The following FBXW4 variants were observed in gnomAD, a reference collection of about 807,000 sequenced individuals.
The protein encoded by FBXW4 is F-box/WD repeat-containing protein 4.
FBXW4 carries 40 observed loss-of-function variants against 61.8 expected under a neutral mutation model. The ratio of observed to expected loss-of-function variants is 0.65; its 90% CI spans 0.50 to 0.84. The LOEUF (loss-of-function observed/expected upper bound fraction) is 0.84. Among genes scored for constraint, FBXW4 ranks in the 40% least tolerant of loss-of-function variants. The pLI is 0.00. For synonymous variants in FBXW4, 311 were observed against 313.8 expected (o/e 0.99, Z 0.10); for missense variants, 672 against 753.8 (o/e 0.89, Z 1.27).
At chr10:101,661,961 C>T (rs925150915) in intron 5 of FBXW4, among the ~76,000 whole-genome samples, 1 of 152,150 alleles carries the variant, frequency 6.6e-6, no homozygotes, top group Non-Finnish European at 1.5e-5. Context: ...CTGTCCACAG[C>T]CAGCCAGAAA....
chr10:101,639,241 G>A (rs2064030271), intron 5 of FBXW4, among the ~76,000 whole-genome samples: 1 of 152,156 alleles, frequency 6.6e-6, no homozygotes, highest in South Asian at 2.1e-4. Flanking sequence ...ACAACCTCAG[G>A]TGTCTGCAAC....
At chr10:101,695,179 A>C (rs1161932471), upstream of FBXW4, 4 of 985,124 alleles carry the variant, frequency 4.1e-6, no homozygotes, top group East Asian at 4.5e-4. This position sits in a 1 kb window ranked among gnomAD's most constrained non-coding sequence, Gnocchi z 4.2. Flanking sequence ...AGGAGGCGAC[A>C]CCATGTCGGA....
intron 5 of FBXW4, among the ~76,000 whole-genome samples, chr10:101,656,698 G>A (rs113341038): frequency 7.2e-5 from 11 of 152,268 alleles, no homozygotes; most frequent in Admixed American, 2.6e-4. Flanking sequence ...GGGAAGGAGC[G>A]GAGGAAGAGG....
At chr10:101,665,186 T>C (rs987242159) in intron 5 of FBXW4, among the ~76,000 whole-genome samples, 67 of 152,204 alleles carry the variant, frequency 4.4e-4, no homozygotes, top group Admixed American at 3.9e-3. Flanking sequence ...GTATATTCTT[T>C]GGGTAAGAGA....
In FBXW4 at chr10:101,694,626, G is replaced by A; in HGVS notation, c.480C>T (p.Ala160=). 7.0e-7 allele frequency: 1 copy of A among 1,428,516 alleles called. No individual in the cohort carries two copies. The highest frequency in any genetic ancestry group is 9.1e-7 in the Non-Finnish European group (1 of 1,100,966). 88.5% of individuals were successfully genotyped at this position (1,428,516 alleles called of 1,614,324 possible). A position where few individuals can be genotyped will look rare whatever the true frequency, so the allele number is the denominator to read the frequency against. Residue 160 remains alanine, a synonymous_variant, in exon 1 of 9, where the codon GCC becomes GCT. Transcript: ENST00000331272. This position sits in a 1 kb window ranked among gnomAD's most constrained non-coding sequence, Gnocchi z 6.0. The stretch of plus-strand genomic sequence containing the variant: ...CCTCCTCCTCCTCCTCCTCCTCCCC[G>A]GCCGCCGCCGCCATGGCCACCCCTG... ...AGTGVAMAAA[A]GEEEEEEEAA...
At chr10:101,631,150 C>T (rs553271691) in intron 5 of FBXW4, among the ~76,000 whole-genome samples, 1 of 152,268 alleles carries the variant, frequency 6.6e-6, no homozygotes, top group African/African-American at 2.4e-5. Context: ...AAAGAAGTTT[C>T]ATTTCACACA....
intron 4 of FBXW4, among the ~76,000 whole-genome samples, chr10:101,669,079 T>C (rs1019999260): frequency 2.6e-5 from 4 of 152,112 alleles, no homozygotes; most frequent in Non-Finnish European, 5.9e-5. Flanking sequence ...TGATAACTCT[T>C]CCCTATAAAA....
chr10:101,623,102 T>C, intron 6 of FBXW4: 1 of 152,150 alleles, frequency 6.6e-6, no homozygotes, highest in South Asian at 2.1e-4. Flanking sequence ...TAAAACATGA[T>C]GAAATATAAC....
chr10:101,672,831 G>A, intron 4 of FBXW4, 84 bp downstream of exon 4: 2 of 1,518,854 alleles, frequency 1.3e-6, no homozygotes, highest in Non-Finnish European at 8.9e-7. Flanking sequence ...GATACTCTCA[G>A]CCAATCCTGA....
At position 101,611,498 on chromosome 10, in the gene FBXW4, A is replaced by T. The variant is rs896584714; in HGVS notation, c.1585-88T>A. 1.1e-5 allele frequency: 17 copies of T among 1,570,598 alleles called. No individual in the cohort carries two copies. Among genetic ancestry groups the T allele is most frequent in the East Asian group, 2.3e-5 (1 of 44,354 alleles). On this transcript the variant is annotated intron_variant, in intron 8 of 8. Transcript: ENST00000331272. The surrounding 1 kb of genome is among the most constrained non-coding windows in gnomAD (Gnocchi z 4.9). ...CCAGGATCCCCAGGCCCAGGGGAAGAGGGACGTGTGCCATTGTAGGCTTCT... is the reference window on the plus strand; with the variant it reads ...CCAGGATCCCCAGGCCCAGGGGAAGTGGGACGTGTGCCATTGTAGGCTTCT...
At chr10:101,681,330 G>C (rs1001536266) in intron 1 of FBXW4, among the ~76,000 whole-genome samples, 2 of 151,404 alleles carry the variant, frequency 1.3e-5, no homozygotes, top group Non-Finnish European at 2.9e-5. Context: ...GGAGGTTGCA[G>C]TGAGCCGAGA....
rs200345324 is a variant in FBXW4, at chr10:101,624,733, T to C, written c.1301+12A>G. On this transcript the variant is annotated intron_variant, in intron 6 of 8. Coordinates refer to ENST00000331272, the MANE Select transcript of FBXW4 (RefSeq NM_022039.4). ...TGGACTGGAAGCCAGCATGGGCTCA[T>C]GAATCTCTTACCTGTTGAGGTCCCA... 307 of 1,614,084 alleles carry C rather than the reference T, an allele frequency of 1.9e-4. 1 individual carries two copies. Among genetic ancestry groups the C allele is most frequent in the Middle Eastern group, 5.0e-4 (3 of 6,060 alleles).
chr10:101,626,102 A>G (rs754780390), intron 5 of FBXW4: 1 of 152,276 alleles, frequency 6.6e-6, no homozygotes, highest in African/African-American at 2.4e-5. Flanking sequence ...AGGCTGATAA[A>G]AAGGCCATAC....
At chr10:101,686,694 T>C (rs1199176981) in intron 1 of FBXW4, among the ~76,000 whole-genome samples, 1 of 152,192 alleles carries the variant, frequency 6.6e-6, no homozygotes, top group East Asian at 1.9e-4. Context: ...TCTATATTAA[T>C]CATCAAAACA....
chr10:101,661,574 C>T (rs1374429095), intron 5 of FBXW4, among the ~76,000 whole-genome samples: 1 of 152,158 alleles, frequency 6.6e-6, no homozygotes, highest in Non-Finnish European at 1.5e-5. Flanking sequence ...CCTAGAATTA[C>T]CTGGAGCTTC....
rs1589739127 is a variant in FBXW4 at position 101,618,461 on chromosome 10, T to C, written c.1302-5984A>G. 2.6e-5 allele frequency among the ~76,000 whole-genome samples: 4 copies of C among 152,164 alleles called. No homozygotes were observed. The South Asian group carries it at 8.3e-4, about 32-fold the overall frequency. On this transcript the variant is annotated intron_variant, in intron 6 of 8. Transcript: ENST00000331272. ...AGCACAGGCTCAGAGGAGAAAAATC[T>C]AGGGCATCTGTTAGGATGGGTGAGA...
intron 5 of FBXW4, chr10:101,625,103 C>T (rs1220836349): frequency 4.0e-5 from 17 of 425,366 alleles, no homozygotes; most frequent in African/African-American, 1.4e-4. Context: ...GATCTCTAGA[C>T]GTGACAAGTT....
intron 5 of FBXW4, among the ~76,000 whole-genome samples, chr10:101,664,863 G>T (rs546493594): frequency 6.6e-6 from 1 of 152,262 alleles, no homozygotes; most frequent in East Asian, 1.9e-4. Context: ...TAGCTTTTCA[G>T]AGTATTAATA....
chr10:101,688,849 G>A (rs1352249957), intron 1 of FBXW4, among the ~76,000 whole-genome samples: 2 of 151,938 alleles, frequency 1.3e-5, no homozygotes, highest in Non-Finnish European at 2.9e-5. Flanking sequence ...TTTTCAAACA[G>A]TTGATCTCAT....
Sources: gnomAD v4.1 joint callset for allele counts (sites outside exome capture counted in the v4.1 genomes callset) on GRCh38, gnomAD v4.1.1 for gene constraint, Gnocchi (gnomAD v3.1) non-coding constraint, MANE v1.5 for transcripts, NCBI Gene and HGNC (gene_info 2026-07-23, HGNC 2026-07-21) for gene names.